The following PKIB variants were observed in gnomAD, a reference collection of about 807,000 sequenced individuals.
The protein encoded by PKIB is cAMP-dependent protein kinase inhibitor beta, also known as PKI-beta.
PKIB carries 2 observed loss-of-function variants against 4.5 expected under a neutral mutation model. The observed-to-expected ratio is 0.44, with a 90% confidence interval of 0.18 to 1.39. The LOEUF (loss-of-function observed/expected upper bound fraction) is 1.39, where lower values mean the gene tolerates loss of function less well. Ranked by LOEUF, PKIB falls within the 40% of genes most tolerant of loss-of-function variation. The probability of loss-of-function intolerance (pLI) is 0.27; values close to 1 mark genes in which losing one functional copy is unlikely to be tolerated. For missense variants in PKIB, 94 were observed against 92.6 expected (o/e 1.02, Z -0.06); for synonymous variants, 38 against 36.0 (o/e 1.06, Z -0.20).
At chr6:122,546,316 C>T (rs551760104) in intron 2 of PKIB, among the ~76,000 whole-genome samples, 192 of 151,674 alleles carry the variant, frequency 1.3e-3, no homozygotes, top group Middle Eastern at 6.8e-3. Context: ...TACCTGGAGC[C>T]GTGCTCATCA....
At chr6:122,596,508 G>A (rs1039684843) in intron 3 of PKIB, among the ~76,000 whole-genome samples, 9 of 150,650 alleles carry the variant, frequency 6.0e-5, no homozygotes, top group African/African-American at 2.2e-4. Context: ...TGGCTAGATG[G>A]GTCAGAAAGC....
chr6:122,684,523 T>C (rs1778021238), intron 3 of PKIB, among the ~76,000 whole-genome samples: 1 of 152,092 alleles, frequency 6.6e-6, no homozygotes, highest in Admixed American at 6.6e-5. Flanking sequence ...CCACTAGTAA[T>C]CTGATGTTAG....
chr6:122,670,498 T>TTTGTTGTTGTTG (rs61201088), intron 2 of PKIB, among the ~76,000 whole-genome samples: 3,366 of 151,192 alleles, frequency 0.022, 57 homozygotes, highest in Non-Finnish European at 0.031. Flanking sequence ...ATCACATGTT[T>TTTGTTGTTGTTG]TTGTTGTTGT....
intron 2 of PKIB, among the ~76,000 whole-genome samples, chr6:122,572,668 T>TA: frequency 7.1e-6 from 1 of 140,374 alleles, no homozygotes. Flanking sequence ...AAAAAAACGA[T>TA]AAATGAAACA....
intron 3 of PKIB, among the ~76,000 whole-genome samples, chr6:122,707,897 T>C (rs1026126641): frequency 5.9e-5 from 9 of 152,190 alleles, no homozygotes; most frequent in African/African-American, 2.2e-4. Context: ...TTTCCTTCTT[T>C]ATGTCTTTTG....
chr6:122,577,768 G>A (rs1773589040), intron 2 of PKIB, among the ~76,000 whole-genome samples: 1 of 151,848 alleles, frequency 6.6e-6, no homozygotes. Flanking sequence ...AATTAGCCGG[G>A]CGTGGTGGTG....
chr6:122,513,574 A>C (rs902609201), intron 2 of PKIB, among the ~76,000 whole-genome samples: 2 of 151,572 alleles, frequency 1.3e-5, no homozygotes, highest in Non-Finnish European at 2.9e-5. Flanking sequence ...GTCATCACCC[A>C]GGTTGTAGTA....
intron 4 of PKIB, among the ~76,000 whole-genome samples, chr6:122,720,551 T>C (rs1779697892): frequency 6.6e-6 from 1 of 151,036 alleles, no homozygotes; most frequent in African/African-American, 2.4e-5. Flanking sequence ...GCCTAGAGGA[T>C]GGGCAATTTT....
chr6:122,653,883 G>C (rs1776669311), intron 2 of PKIB, among the ~76,000 whole-genome samples: 1 of 152,168 alleles, frequency 6.6e-6, no homozygotes, highest in African/African-American at 2.4e-5. Flanking sequence ...GCTTGAACCT[G>C]AGAGGCGGAG....
chr6:122,692,543 G>A (rs1355668039), intron 3 of PKIB, among the ~76,000 whole-genome samples: 1 of 152,018 alleles, frequency 6.6e-6, no homozygotes, highest in African/African-American at 2.4e-5. Context: ...CAGTCAGCTT[G>A]TGGTGAATGC....
intron 4 of PKIB, among the ~76,000 whole-genome samples, chr6:122,720,472 G>A (rs1363138073): frequency 1.3e-5 from 2 of 152,100 alleles, no homozygotes; most frequent in Non-Finnish European, 2.9e-5. Context: ...GCAGAGATGA[G>A]GAAGAGAATT....
At chr6:122,598,501 C>T (rs1405848854) in intron 3 of PKIB, among the ~76,000 whole-genome samples, 7 of 152,148 alleles carry the variant, frequency 4.6e-5, no homozygotes, top group African/African-American at 1.2e-4. Flanking sequence ...TGAGTGACTG[C>T]GGTTCCCACC....
intron 3 of PKIB, among the ~76,000 whole-genome samples, chr6:122,685,718 C>T (rs780300359): frequency 3.3e-5 from 5 of 152,032 alleles, no homozygotes; most frequent in Non-Finnish European, 5.9e-5. Flanking sequence ...TATAGTCATC[C>T]TGTTGTGCTA....
intron 3 of PKIB, among the ~76,000 whole-genome samples, chr6:122,682,517 A>C (rs1022676286): frequency 6.6e-5 from 10 of 152,160 alleles, no homozygotes; most frequent in Non-Finnish European, 1.2e-4. Context: ...GATTATCTAA[A>C]AACTGTAGGT....
In PKIB at chr6:122,681,361, A is replaced by C. The variant is rs140047921; in HGVS notation, c.-9+6217A>C. The stretch of plus-strand genomic sequence containing the variant: ...AATAAAAATGACTTTGGATTAGCTA[A>C]TTTATATTTGATCATTTGGTAAATT... On this transcript the variant is annotated intron_variant, in intron 3 of 4. Coordinates refer to ENST00000368452, the MANE Select transcript of PKIB (RefSeq NM_181795.3). Among the ~76,000 whole-genome samples, 31 of 152,332 alleles carry C rather than the reference A, an allele frequency of 2.0e-4. No homozygotes were observed. The East Asian group carries it at 5.8e-3, about 28-fold the overall frequency.
intron 2 of PKIB, among the ~76,000 whole-genome samples, chr6:122,492,990 T>G (rs1775981597): frequency 6.6e-6 from 1 of 152,226 alleles, no homozygotes; most frequent in African/African-American, 2.4e-5. Context: ...CAGTAGATAA[T>G]TAATTTCTCT....
chr6:122,604,710 G>A (rs1774473114), intron 3 of PKIB, among the ~76,000 whole-genome samples: 1 of 152,144 alleles, frequency 6.6e-6, no homozygotes, highest in African/African-American at 2.4e-5. Flanking sequence ...TCAGTCATAA[G>A]AAAACTAATT....
intron 1 of PKIB, among the ~76,000 whole-genome samples, chr6:122,617,901 TG>T (rs1283820282): frequency 6.6e-6 from 1 of 152,178 alleles, no homozygotes; most frequent in Non-Finnish European, 1.5e-5. Context: ...TTTGTAAGGA[TG>T]TTTTTTACAT....
chr6:122,479,825 T>G (rs1357528037), intron 2 of PKIB: 1 of 152,192 alleles, frequency 6.6e-6, no homozygotes, highest in African/African-American at 2.4e-5. Flanking sequence ...TCTCAAAGCA[T>G]ATACTGTTTC....
Sources: allele counts gnomAD v4.1 joint callset (sites outside exome capture counted in the v4.1 genomes callset), GRCh38; gene constraint gnomAD v4.1.1; transcripts MANE v1.5; gene names NCBI Gene and HGNC (gene_info 2026-07-23, HGNC 2026-07-21).